Variants in PSMA1 observed in about 807,000 individuals in gnomAD.
PSMA1 encodes proteasome subunit alpha type-1.
In PSMA1, 3 loss-of-function variants were observed where a neutral mutation model predicts 38.4. That is an observed-to-expected ratio of 0.08 (90% CI 0.04 to 0.20). The LOEUF (loss-of-function observed/expected upper bound fraction) is 0.20, where lower values mean the gene tolerates loss of function less well. Among genes scored for constraint, PSMA1 ranks in the 10% least tolerant of loss-of-function variants. The pLI is 1.00. For missense variants in PSMA1, 227 were observed against 325.3 expected (o/e 0.70, Z 2.32); for synonymous variants, 101 against 107.1 (o/e 0.94, Z 0.35).
chr11:14,576,559 T>C (rs1423251845), intron 2 of PSMA1, among the ~76,000 whole-genome samples: 3 of 152,238 alleles, frequency 2.0e-5, no homozygotes, highest in African/African-American at 7.2e-5. Context: ...TTTCTTGTTT[T>C]TGTCAGGTTT....
At chr11:14,540,096 A>T (rs1339414395) in intron 2 of PSMA1, among the ~76,000 whole-genome samples, 1 of 152,218 alleles carries the variant, frequency 6.6e-6, no homozygotes, top group African/African-American at 2.4e-5. Flanking sequence ...TTGTGGCTTC[A>T]GAACTGAAAT....
upstream of PSMA1, among the ~76,000 whole-genome samples, chr11:14,521,182 G>T (rs1851521698): frequency 1.2e-5 from 1 of 85,896 alleles, no homozygotes; most frequent in Non-Finnish European, 2.4e-5. Flanking sequence ...AAGAGACTGG[G>T]TGTGGTGGCT....
At position 14,534,358 on chromosome 11, in the gene PSMA1, G is replaced by A. The variant is rs1294519687; in HGVS notation, c.22-15317C>T. On this transcript the variant is annotated intron_variant, in intron 2 of 10. Transcript: ENST00000418988. The surrounding 1 kb of genome is among the most constrained non-coding windows in gnomAD (Gnocchi z 4.5). ...GTCACATGCTTTAAATGTCTGTATA[G>A]CTATAAGGTATTACATCATATAAAT... 6.6e-6 allele frequency among the ~76,000 whole-genome samples: 1 copy of A among 152,094 alleles called. No individual in the cohort carries two copies. Among genetic ancestry groups the A allele is most frequent in the Non-Finnish European group, 1.5e-5 (1 of 68,026 alleles).
In PSMA1 at chr11:14,532,905, T is replaced by A. The variant is rs572044674; in HGVS notation, c.22-13864A>T. ...AGACTCTGTCTCAAAAAAAAAAATT[T>A]AAAAAAAATCTAAAAATAGCTGCTA... On this transcript the variant is annotated intron_variant, in intron 2 of 10. Coordinates refer to the PSMA1 transcript ENST00000418988. Among the ~76,000 whole-genome samples, 864 of 150,626 alleles carry A rather than the reference T, an allele frequency of 5.7e-3. 7 individuals are homozygous for A. Among genetic ancestry groups the A allele is most frequent in the Non-Finnish European group, 8.8e-3 (599 of 67,922 alleles).
At chr11:14,608,366 T>C (rs774992742) in intron 2 of PSMA1, among the ~76,000 whole-genome samples, 8 of 151,064 alleles carry the variant, frequency 5.3e-5, no homozygotes, top group Admixed American at 1.3e-4. Flanking sequence ...TATATATATA[T>C]AAAATGGACA....
chr11:14,632,695 T>C (rs1853039971), intron 1 of PSMA1, among the ~76,000 whole-genome samples: 1 of 146,042 alleles, frequency 6.8e-6, no homozygotes, highest in South Asian at 2.2e-4. Context: ...CTGTATTTCC[T>C]GAATCTGAAC....
chr11:14,573,057 T>C (rs1334365607), intron 2 of PSMA1, among the ~76,000 whole-genome samples: 2 of 152,148 alleles, frequency 1.3e-5, no homozygotes, highest in East Asian at 1.9e-4. Context: ...CAGGACCAGA[T>C]GGATTCACAG....
At chr11:14,539,820 G>T (rs1008941265) in intron 2 of PSMA1, among the ~76,000 whole-genome samples, 3 of 151,510 alleles carry the variant, frequency 2.0e-5, no homozygotes, top group African/African-American at 4.9e-5. Context: ...CTGCACTCCA[G>T]CCTGGGTGAC....
intron 2 of PSMA1, among the ~76,000 whole-genome samples, chr11:14,598,304 G>T (rs1836166502): frequency 6.6e-6 from 1 of 152,132 alleles, no homozygotes; most frequent in South Asian, 2.1e-4. Context: ...GGATATGCTT[G>T]TTAACTTTCT....
Position 14,505,109 on chromosome 11 carries a change from T to C in PSMA1, c.*83A>G. ...CATTCCACCACTCTGCAACTTTTGG[T>C]TCAAAGTATAGATTATTGTCATCAG... On this transcript the variant is annotated 3_prime_UTR_variant, in exon 10 of 10. Transcript: ENST00000396394. 13 of 1,320,192 alleles carry C rather than the reference T, an allele frequency of 9.8e-6. No homozygotes were observed. The South Asian group carries it at 1.5e-4, about 16-fold the overall frequency. The allele number at this position is 1,320,192 out of a possible 1,614,324, so 81.8% of individuals were successfully genotyped here.
chr11:14,592,119 C>T (rs1852423422), intron 2 of PSMA1, among the ~76,000 whole-genome samples: 2 of 152,052 alleles, frequency 1.3e-5, no homozygotes, highest in Non-Finnish European at 2.9e-5. Flanking sequence ...ACCACGAACC[C>T]GCCACAAGGA....
At chr11:14,552,609 C>T (rs908493305) in intron 2 of PSMA1, among the ~76,000 whole-genome samples, 6 of 152,080 alleles carry the variant, frequency 3.9e-5, no homozygotes, top group African/African-American at 1.2e-4. Context: ...AAATATGCTA[C>T]TTGCCTTCTT....
At chr11:14,557,220 A>AT (rs1489706532) in intron 2 of PSMA1, among the ~76,000 whole-genome samples, 2 of 151,726 alleles carry the variant, frequency 1.3e-5, no homozygotes, top group African/African-American at 2.4e-5. Flanking sequence ...CTTCTGGGAG[A>AT]TTTTTTTAAC....
rs1308582146 is a variant in PSMA1, at chr11:14,542,510, AC to A, written c.22-23470del. Among the ~76,000 whole-genome samples the A allele has an allele frequency of 2.6e-5, 4 of 152,090 alleles. 1 individual carries two copies. In the East Asian group the frequency reaches 5.8e-4, roughly 22 times the overall value. ...TTCCTTCCCCTATTGTGTCACCTCTACCCCCTAAAACATTTCACAAAGCTCT... is the reference window on the plus strand; with the variant it reads ...TTCCTTCCCCTATTGTGTCACCTCTACCCCTAAAACATTTCACAAAGCTCT... On this transcript the variant is annotated intron_variant, in intron 2 of 10. Transcript: ENST00000418988.
chr11:14,552,486 T>C (rs1019228839), intron 2 of PSMA1, among the ~76,000 whole-genome samples: 5 of 152,214 alleles, frequency 3.3e-5, no homozygotes, highest in Non-Finnish European at 7.3e-5. Flanking sequence ...ACATCAGTCC[T>C]GTGAGCTCAG....
At chr11:14,524,776 C>G (rs1321939327), upstream of PSMA1, among the ~76,000 whole-genome samples, 4 of 152,188 alleles carry the variant, frequency 2.6e-5, no homozygotes, top group African/African-American at 9.7e-5. Flanking sequence ...AGAGATCCAC[C>G]TATGACCTCG....
chr11:14,624,275 G>T (rs1021826046), intron 1 of PSMA1, among the ~76,000 whole-genome samples: 5 of 152,158 alleles, frequency 3.3e-5, no homozygotes, highest in African/African-American at 1.2e-4. Context: ...TCCTTTAGCT[G>T]GTCGTATGGG....
At chr11:14,608,604 T>C (rs906128645) in intron 2 of PSMA1, among the ~76,000 whole-genome samples, 3 of 147,932 alleles carry the variant, frequency 2.0e-5, no homozygotes, top group Non-Finnish European at 4.5e-5. Flanking sequence ...TTTATATATA[T>C]AAAATATGAT....
At chr11:14,537,710 CCTT>C (rs1394682730) in intron 2 of PSMA1, among the ~76,000 whole-genome samples, 1 of 135,854 alleles carries the variant, frequency 7.4e-6, no homozygotes, top group Non-Finnish European at 1.6e-5. Flanking sequence ...GTAAAATTAC[CCTT>C]TTTTTTTTTT....
Sources: allele counts gnomAD v4.1 joint callset (sites outside exome capture counted in the v4.1 genomes callset), GRCh38; gene constraint gnomAD v4.1.1; non-coding constraint Gnocchi (gnomAD v3.1); transcripts MANE v1.5; gene names NCBI Gene and HGNC (gene_info 2026-07-23, HGNC 2026-07-21).